Variants in SLC30A8 observed in about 807,000 individuals in gnomAD.
The protein encoded by SLC30A8 is solute carrier family 30 member 8.
In SLC30A8, 27 loss-of-function variants were observed where a neutral mutation model predicts 36.9. The observed-to-expected ratio is 0.73, with a 90% CI of 0.54 to 1.01. The LOEUF (loss-of-function observed/expected upper bound fraction) is 1.01. SLC30A8 is among the 50% of genes least tolerant of loss of function. The pLI is 0.00. For synonymous variants in SLC30A8, 164 were observed against 172.4 expected (o/e 0.95, Z 0.38); for missense variants, 439 against 452.0 (o/e 0.97, Z 0.26).
At chr8:117,104,631 A>G (rs1446161283) in intron 2 of SLC30A8, among the ~76,000 whole-genome samples, 3 of 152,176 alleles carry the variant, frequency 2.0e-5, no homozygotes, top group African/African-American at 7.2e-5. Flanking sequence ...GGGGGTCCTG[A>G]TCCAGACCCC....
intron 2 of SLC30A8, among the ~76,000 whole-genome samples, chr8:117,063,517 A>G (rs983376510): frequency 6.6e-6 from 1 of 152,238 alleles, no homozygotes; most frequent in African/African-American, 2.4e-5. Flanking sequence ...GGCATCTTTG[A>G]TAGCACTGAC....
intron 2 of SLC30A8, among the ~76,000 whole-genome samples, chr8:117,064,569 T>C (rs1818111560): frequency 6.6e-6 from 1 of 152,188 alleles, no homozygotes; most frequent in Admixed American, 6.5e-5. Context: ...GCAAGTTCAA[T>C]AGGAGTGATC....
At chr8:116,962,376 T>C (rs1264900415) in intron 1 of SLC30A8, among the ~76,000 whole-genome samples, 1 of 152,036 alleles carries the variant, frequency 6.6e-6, no homozygotes, top group African/African-American at 2.4e-5. Context: ...AAAAAATGAT[T>C]ATGTTAATGC....
intron 1 of SLC30A8, among the ~76,000 whole-genome samples, chr8:117,020,480 G>A (rs1816663657): frequency 6.6e-6 from 1 of 152,142 alleles, no homozygotes; most frequent in Non-Finnish European, 1.5e-5. Flanking sequence ...AATTATTAAA[G>A]TTAAACATAT....
chr8:117,156,282 A>G (rs568910874), intron 3 of SLC30A8, among the ~76,000 whole-genome samples: 2 of 152,258 alleles, frequency 1.3e-5, no homozygotes, highest in African/African-American at 2.4e-5. Flanking sequence ...ACCTCAGGCA[A>G]TCCGCTTGCT....
intron 2 of SLC30A8, among the ~76,000 whole-genome samples, chr8:117,086,476 G>T (rs907346337): frequency 6.6e-6 from 1 of 152,178 alleles, no homozygotes; most frequent in Admixed American, 6.5e-5. Context: ...TTTTCAAAAA[G>T]ATCTCAAAAT....
intron 1 of SLC30A8, among the ~76,000 whole-genome samples, chr8:117,006,135 T>G (rs1816164091): frequency 6.6e-6 from 1 of 152,224 alleles, no homozygotes; most frequent in South Asian, 2.1e-4. Flanking sequence ...AGCTACCTTA[T>G]ATATTCCTCT....
intron 2 of SLC30A8, among the ~76,000 whole-genome samples, chr8:117,076,837 C>T (rs1318075809): frequency 1.3e-5 from 2 of 151,814 alleles, no homozygotes; most frequent in Non-Finnish European, 2.9e-5. Flanking sequence ...TGTTTGTTGA[C>T]TGATTGACTG....
chr8:117,015,059 G>C (rs1196786203), intron 1 of SLC30A8, among the ~76,000 whole-genome samples: 1 of 151,090 alleles, frequency 6.6e-6, no homozygotes, highest in Non-Finnish European at 1.5e-5. Context: ...CCAGAATTTG[G>C]GATGAAGGTG....
chr8:117,003,523 G>T (rs555514803), intron 1 of SLC30A8, among the ~76,000 whole-genome samples: 17 of 152,330 alleles, frequency 1.1e-4, no homozygotes, highest in South Asian at 8.3e-4. Context: ...AAGCAGAGCG[G>T]CAGAGCTGGT....
rs557337306 is a variant in SLC30A8, at chr8:116,962,484, A to G, written c.-266+11365A>G. On this transcript the variant is annotated intron_variant, in intron 1 of 10. Coordinates refer to the SLC30A8 transcript ENST00000427715. Reference sequence around the variant, plus strand: ...CCCATCATAGCTTTTATTCTCCTCAATCCGTCCCCAAACTGTTCTTACTGA... The same window carrying G: ...CCCATCATAGCTTTTATTCTCCTCAGTCCGTCCCCAAACTGTTCTTACTGA... 8.6e-5 allele frequency among the ~76,000 whole-genome samples: 13 copies of G among 152,024 alleles called. 1 individual carries two copies. The highest frequency in any genetic ancestry group is 7.7e-4 in the East Asian group (4 of 5,184).
rs116319203 is a variant in SLC30A8 at position 117,034,819 on chromosome 8, G to T, written c.-265-4400G>T. Among the ~76,000 whole-genome samples the T allele has an allele frequency of 6.9e-3, 1,055 of 152,252 alleles. 7 individuals are homozygous for T. Among genetic ancestry groups the T allele is most frequent in the African/African-American group, 0.024 (988 of 41,540 alleles). On this transcript the variant is annotated intron_variant, in intron 1 of 10. Transcript: ENST00000427715. The stretch of plus-strand genomic sequence containing the variant: ...GAGTCCTCAGGAAACTCACAATCAT[G>T]GCAGAAGGGGAAGCAGGCACACCTT...
chr8:117,157,598 G>A, intron 3 of SLC30A8, 93 bp from the exon 4 acceptor site: 1 of 1,411,666 alleles, frequency 7.1e-7, no homozygotes, highest in Non-Finnish European at 9.6e-7. Flanking sequence ...CCTTTTTGGG[G>A]GAAGTGGCAA....
chr8:117,123,716 A>G (rs1431549053), intron 2 of SLC30A8, among the ~76,000 whole-genome samples: 1 of 152,074 alleles, frequency 6.6e-6, no homozygotes, highest in Non-Finnish European at 1.5e-5. Context: ...ACAGAGTTGT[A>G]CAATATCACA....
intron 1 of SLC30A8, among the ~76,000 whole-genome samples, chr8:116,968,744 T>A (rs1020857787): frequency 2.6e-5 from 4 of 151,944 alleles, no homozygotes; most frequent in Admixed American, 6.6e-5. Context: ...TTTTTTAATT[T>A]ATTTATTTTT....
chr8:117,010,248 G>A (rs1271208474), intron 1 of SLC30A8, among the ~76,000 whole-genome samples: 2 of 152,172 alleles, frequency 1.3e-5, no homozygotes, highest in Non-Finnish European at 2.9e-5. Context: ...TCTTATCAAT[G>A]GGGCCTGACT....
At chr8:117,158,373 GT>G (rs1822609844) in intron 4 of SLC30A8, among the ~76,000 whole-genome samples, 1 of 152,106 alleles carries the variant, frequency 6.6e-6, no homozygotes. Context: ...ATTTACTTCA[GT>G]CCCCATTTTA....
intron 1 of SLC30A8, among the ~76,000 whole-genome samples, chr8:116,992,776 T>C (rs1391402811): frequency 6.6e-6 from 1 of 152,180 alleles, no homozygotes; most frequent in African/African-American, 2.4e-5. Flanking sequence ...GTAATGAACA[T>C]ATCTAAGAGT....
At chr8:116,995,751 G>A (rs1249474742) in intron 1 of SLC30A8, among the ~76,000 whole-genome samples, 1 of 152,030 alleles carries the variant, frequency 6.6e-6, no homozygotes, top group African/African-American at 2.4e-5. Context: ...AAGGAGCCAG[G>A]CTGGTGGGAG....
Sources: gnomAD v4.1 joint callset for allele counts (sites outside exome capture counted in the v4.1 genomes callset) on GRCh38, gnomAD v4.1.1 for gene constraint, MANE v1.5 for transcripts, NCBI Gene and HGNC (gene_info 2026-07-23, HGNC 2026-07-21) for gene names.